The following DNAJC11 variants were observed in gnomAD, a reference collection of about 807,000 sequenced individuals.
The protein encoded by DNAJC11 is DnaJ heat shock protein family (Hsp40) member C11, also known as dnaJ homolog subfamily C member 11.
In DNAJC11, 15 loss-of-function variants were observed where a neutral mutation model predicts 78.6. That is an observed-to-expected ratio of 0.19 (90% CI 0.13 to 0.29). The LOEUF (loss-of-function observed/expected upper bound fraction) is 0.29. DNAJC11 is among the 10% of genes least tolerant of loss of function. DNAJC11 has a pLI of 1.00. For synonymous variants in DNAJC11, 292 were observed against 272.1 expected (o/e 1.07, Z -0.72); for missense variants, 547 against 709.6 (o/e 0.77, Z 2.60).
At chr1:6,676,972 G>A (rs183878899) in intron 3 of DNAJC11, among the ~76,000 whole-genome samples, 6 of 151,854 alleles carry the variant, frequency 4.0e-5, no homozygotes, top group East Asian at 1.9e-4. Context: ...TCAGGAGTTC[G>A]AGACCAGCCT....
chr1:6,687,804 G>C (rs1642681519), intron 1 of DNAJC11, among the ~76,000 whole-genome samples: 1 of 152,104 alleles, frequency 6.6e-6, no homozygotes, highest in Non-Finnish European at 1.5e-5. Context: ...AAACCCCAAT[G>C]ATGTATTTGG....
chr1:6,676,884 T>C lies in DNAJC11; in HGVS notation c.276+1510A>G, dbSNP rs373098299. Among the ~76,000 whole-genome samples the C allele has an allele frequency of 6.1e-3, 925 of 152,134 alleles. 6 individuals are homozygous for C. Among genetic ancestry groups the C allele is most frequent in the Non-Finnish European group, 8.6e-3 (582 of 67,978 alleles). On this transcript the variant is annotated intron_variant, in intron 3 of 15. Transcript: ENST00000377577. ...CGCATGCTTGAGACTAAACATTGAA[T>C]GAACTTTGGCCAGGTGTGGTGGCTC...
intron 15 of DNAJC11, among the ~76,000 whole-genome samples, 200 bp from the exon 16 acceptor site, chr1:6,635,900 C>T (rs965855776): frequency 5.9e-5 from 9 of 152,322 alleles, no homozygotes; most frequent in East Asian, 1.9e-4. Flanking sequence ...GTTTCCAACG[C>T]GCTCACTCTA....
intron 7 of DNAJC11, among the ~76,000 whole-genome samples, chr1:6,649,147 A>G (rs892515523): frequency 2.7e-5 from 4 of 150,528 alleles, no homozygotes; most frequent in African/African-American, 9.8e-5. Flanking sequence ...TGTGAGTCAC[A>G]TCGGCTCCTT....
At chr1:6,686,729 A>C (rs906255152) in intron 1 of DNAJC11, among the ~76,000 whole-genome samples, 4 of 152,254 alleles carry the variant, frequency 2.6e-5, no homozygotes, top group Admixed American at 6.5e-5. Flanking sequence ...CGGTACTTAT[A>C]CCTACCATGA....
At chr1:6,676,203 G>C (rs971970908) in intron 3 of DNAJC11, among the ~76,000 whole-genome samples, 2 of 152,192 alleles carry the variant, frequency 1.3e-5, no homozygotes, top group Non-Finnish European at 2.9e-5. Context: ...CATAACGCAA[G>C]GGGGAGTGGT....
At chr1:6,661,754 T>A (rs886225480) in intron 4 of DNAJC11, among the ~76,000 whole-genome samples, 9 of 152,148 alleles carry the variant, frequency 5.9e-5, no homozygotes, top group African/African-American at 2.2e-4. Flanking sequence ...GTCCAGGCAG[T>A]TTCATGACAT....
chr1:6,678,839 G>A (rs1443291884), intron 2 of DNAJC11, among the ~76,000 whole-genome samples: 1 of 152,126 alleles, frequency 6.6e-6, no homozygotes, highest in Non-Finnish European at 1.5e-5. Flanking sequence ...TGTAGAGATG[G>A]GGTCTCACTA....
At chr1:6,697,991 C>T (rs3866807) in intron 1 of DNAJC11, among the ~76,000 whole-genome samples, 1 of 152,076 alleles carries the variant, frequency 6.6e-6, no homozygotes, top group Non-Finnish European at 1.5e-5. Context: ...GGGGTTTCAC[C>T]GTGTTAGTCA....
intron 4 of DNAJC11, among the ~76,000 whole-genome samples, chr1:6,657,775 G>A (rs1422656253): frequency 6.6e-6 from 1 of 152,168 alleles, no homozygotes; most frequent in East Asian, 1.9e-4. Flanking sequence ...CTCCCGAGTA[G>A]CTGGGACTAC....
At chr1:6,642,319 A>G (rs966991831) in intron 10 of DNAJC11, among the ~76,000 whole-genome samples, 2 of 152,232 alleles carry the variant, frequency 1.3e-5, no homozygotes, top group Non-Finnish European at 2.9e-5. Flanking sequence ...AAGCAGACAC[A>G]CAAGGAGGGA....
intron 1 of DNAJC11, among the ~76,000 whole-genome samples, chr1:6,696,309 C>T (rs1393410238): frequency 6.6e-6 from 1 of 152,178 alleles, no homozygotes; most frequent in Admixed American, 6.5e-5. Context: ...AATGTGTAAA[C>T]ACACACCACC....
At chr1:6,638,195 GGAGAA>G in intron 12 of DNAJC11, 95 bp downstream of exon 12, 1 of 1,196,704 alleles carries the variant, frequency 8.4e-7, no homozygotes, top group Non-Finnish European at 1.2e-6. Context: ...CCAAGTTGTT[GGAGAA>G]GAGAAGTCTG....
At chr1:6,681,119 C>T (rs1351214472) in intron 1 of DNAJC11, 82 bp from the exon 2 acceptor site, 4 of 1,446,646 alleles carry the variant, frequency 2.8e-6, no homozygotes, top group Non-Finnish European at 3.8e-6. Flanking sequence ...GAAATGGGAA[C>T]CCATCAGCCA....
At chr1:6,662,079 G>A (rs1433376020) in intron 4 of DNAJC11, among the ~76,000 whole-genome samples, 1 of 150,512 alleles carries the variant, frequency 6.6e-6, no homozygotes, top group East Asian at 1.9e-4. Context: ...AGCCTCCCGA[G>A]TAGCTGGGAC....
Position 6,636,198 on chromosome 1 carries a change from G to T in DNAJC11, c.1573C>A (p.Leu525Met). 1 of 1,614,160 alleles carries T rather than the reference G, an allele frequency of 6.2e-7. No individual in the cohort carries two copies. Among genetic ancestry groups the T allele is most frequent in the Non-Finnish European group, 8.5e-7 (1 of 1,180,040 alleles). ...CCCCGGAACTGATAGAGCACTTTCA[G>T]GTTCTTCTCTTCCCCCACACACGGG... ...YDPCVGEEKN[L>M]KVLYQFRGVL... The change falls in exon 15 of 16, where the codon CTG (leucine) becomes ATG (methionine). Residue 525 changes from leucine to methionine, a missense_variant. Coordinates refer to ENST00000377577, the MANE Select transcript of DNAJC11 (RefSeq NM_018198.4).
At chr1:6,684,729 G>A (rs777619999) in intron 1 of DNAJC11, among the ~76,000 whole-genome samples, 2 of 152,066 alleles carry the variant, frequency 1.3e-5, no homozygotes, top group Non-Finnish European at 2.9e-5. Flanking sequence ...CAGAAATACT[G>A]TTATTTCAAA....
intron 12 of DNAJC11, chr1:6,637,971 C>T (rs1367716421): frequency 2.5e-6 from 1 of 393,290 alleles, no homozygotes; most frequent in East Asian, 4.6e-5. Flanking sequence ...AGGCCGCGCA[C>T]ACGGCCCATG....
chr1:6,658,255 A>ACGTCTG (rs1642160521), intron 4 of DNAJC11, among the ~76,000 whole-genome samples: 1 of 152,332 alleles, frequency 6.6e-6, no homozygotes, highest in East Asian at 1.9e-4. Context: ...AGCTCTGACA[A>ACGTCTG]GAGAGTCTGG....
Sources: allele counts gnomAD v4.1 joint callset (sites outside exome capture counted in the v4.1 genomes callset), GRCh38; gene constraint gnomAD v4.1.1; transcripts MANE v1.5; gene names NCBI Gene and HGNC (gene_info 2026-07-23, HGNC 2026-07-21).